The following POLD3 variants were observed in gnomAD, a reference collection of about 807,000 sequenced individuals.
POLD3 encodes DNA polymerase delta subunit 3.
POLD3 carries 19 observed loss-of-function variants against 58.2 expected under a neutral mutation model. The ratio of observed to expected loss-of-function variants is 0.33; its 90% CI spans 0.23 to 0.48. POLD3 has a LOEUF of 0.48. POLD3 is among the 20% of genes least tolerant of loss of function. The pLI is 0.99. For missense variants in POLD3, 504 were observed against 545.5 expected, an observed-to-expected ratio of 0.92 and a Z score of 0.76; for synonymous variants, 172 against 193.5, an observed-to-expected ratio of 0.89 and a Z score of 0.92.
At chr11:74,619,287 AACTC>A (rs761654540) in intron 6 of POLD3, among the ~76,000 whole-genome samples, 53 of 152,312 alleles carry the variant, frequency 3.5e-4, no homozygotes, top group Non-Finnish European at 7.1e-4. Context: ...CATCTGAACT[AACTC>A]AAGGGCATTG....
Position 74,641,648 on chromosome 11 carries a change from A to G in POLD3, c.*882A>G. 2 of 985,358 alleles carry G rather than the reference A, an allele frequency of 2.0e-6. No individual in the cohort carries two copies. Among genetic ancestry groups the G allele is most frequent in the Non-Finnish European group, 2.4e-6 (2 of 829,868 alleles). The allele number at this position is 985,358 out of a possible 1,614,324, so 61.0% of individuals were successfully genotyped here. On this transcript the variant is annotated 3_prime_UTR_variant, in exon 12 of 12. Coordinates refer to ENST00000263681, the MANE Select transcript of POLD3 (RefSeq NM_006591.3). Reference sequence around the variant, plus strand: ...CCCGTACAATGAGATAAAGACTAAAAAGAGAAATCCCTTCCTATATACAGT... The same window carrying G: ...CCCGTACAATGAGATAAAGACTAAAGAGAGAAATCCCTTCCTATATACAGT...
chr11:74,640,520 A>G (rs2032881660), intron 11 of POLD3, 44 bp from the exon 12 acceptor site: 1 of 1,461,716 alleles, frequency 6.8e-7, no homozygotes, highest in Admixed American at 2.5e-5. Context: ...CATAGAGTAA[A>G]TGATTCAGCC....
intron 9 of POLD3, among the ~76,000 whole-genome samples, 177 bp downstream of exon 9, chr11:74,629,500 T>G (rs940059097): frequency 7.9e-5 from 12 of 152,178 alleles, no homozygotes; most frequent in Admixed American, 7.2e-4. Context: ...AACCATGATC[T>G]TTTGGAAATT....
intron 2 of POLD3, among the ~76,000 whole-genome samples, chr11:74,601,781 CTT>C (rs2031508791): frequency 6.6e-6 from 1 of 151,948 alleles, no homozygotes; most frequent in Non-Finnish European, 1.5e-5. Flanking sequence ...GACTCTATCT[CTT>C]AAAAAAAAGA....
At chr11:74,598,249 A>AT (rs2031348574) in intron 2 of POLD3, among the ~76,000 whole-genome samples, 3 of 152,150 alleles carry the variant, frequency 2.0e-5, no homozygotes, top group Admixed American at 6.5e-5. Context: ...CTTGGAGTTG[A>AT]TTTTTTGTGT....
chr11:74,629,717 T>G (rs1565124791), intron 9 of POLD3, among the ~76,000 whole-genome samples: 1 of 152,072 alleles, frequency 6.6e-6, no homozygotes, highest in African/African-American at 2.4e-5. Flanking sequence ...TAGGGTTAAC[T>G]GGAACAACCT....
intron 3 of POLD3, among the ~76,000 whole-genome samples, 175 bp from the exon 4 acceptor site, chr11:74,611,324 C>T (rs1330347362): frequency 6.6e-6 from 1 of 151,794 alleles, no homozygotes; most frequent in Non-Finnish European, 1.5e-5. Context: ...TATTTTTTTT[C>T]CTGAAAGTAA....
At chr11:74,611,473 A>C (rs773289910) in intron 3 of POLD3, 26 bp from the exon 4 acceptor site, 5 of 1,400,554 alleles carry the variant, frequency 3.6e-6, no homozygotes, top group East Asian at 4.6e-5. Context: ...TACATTAAGC[A>C]CTAATAAAGT....
At position 74,642,842 on chromosome 11, in the gene POLD3, C is replaced by T; in HGVS notation, c.*2076C>T. ...TTTTCAGTTGATATTGTTAAAACTG[C>T]ATACCCACAGTCTGAGATGAACAAG... On this transcript the variant is annotated 3_prime_UTR_variant, in exon 12 of 12. Coordinates refer to ENST00000263681, the MANE Select transcript of POLD3 (RefSeq NM_006591.3). The T allele has an allele frequency of 1.0e-6, 1 of 985,012 alleles. No individual in the cohort carries two copies. Among genetic ancestry groups the T allele is most frequent in the African/African-American group, 1.7e-5 (1 of 57,338 alleles). 61.0% of individuals were successfully genotyped at this position (985,012 alleles called of 1,614,324 possible).
chr11:74,609,372 ATTTTTTTTTTT>A (rs869157886), intron 3 of POLD3, among the ~76,000 whole-genome samples: 280 of 27,118 alleles, frequency 0.01, 3 homozygotes, highest in Middle Eastern at 0.048. Context: ...ATATATATAT[ATTTTTTTTTTT>A]TTTTTTTTTT....
rs551693977 is a variant in POLD3 at position 74,643,018 on chromosome 11, G to C, written c.*2252G>C. ...TGTATGACTGTGGGCAAGTTTCACAGCCTCAAGTTCTTTATCAAAATAAAA... is the reference window on the plus strand; with the variant it reads ...TGTATGACTGTGGGCAAGTTTCACACCCTCAAGTTCTTTATCAAAATAAAA... On this transcript the variant is annotated 3_prime_UTR_variant, in exon 12 of 12. Transcript: ENST00000263681. 1.2e-5 allele frequency: 9 copies of C among 745,486 alleles called. No individual in the cohort carries two copies. In the African/African-American group the frequency reaches 1.7e-4, roughly 14 times the overall value. 46.2% of individuals were successfully genotyped at this position (745,486 alleles called of 1,614,324 possible).
chr11:74,640,922 T>G lies in POLD3; in HGVS notation c.*156T>G. ...GTGAGGTTTATACTATTTCTGGTTTTTAACCAAAAGGAAATCATCTGGAAG... is the reference window on the plus strand; with the variant it reads ...GTGAGGTTTATACTATTTCTGGTTTGTAACCAAAAGGAAATCATCTGGAAG... On this transcript the variant is annotated 3_prime_UTR_variant, in exon 12 of 12. Transcript: ENST00000263681. 1 of 1,267,074 alleles carries G rather than the reference T, an allele frequency of 7.9e-7. No individual in the cohort carries two copies. The highest frequency in any genetic ancestry group is 9.9e-7 in the Non-Finnish European group (1 of 1,007,534). 78.5% of individuals were successfully genotyped at this position (1,267,074 alleles called of 1,614,324 possible).
At chr11:74,666,279 A>T in intron 4 of POLD3, among the ~76,000 whole-genome samples, 1 of 152,210 alleles carries the variant, frequency 6.6e-6, no homozygotes, top group East Asian at 1.9e-4. Flanking sequence ...GCTTCCTGGG[A>T]TGCCTTTCCC....
Position 74,666,242 on chromosome 11 carries a change from G to C in POLD3, c.370-2535G>C, listed in dbSNP as rs1022091286. On this transcript the variant is annotated intron_variant, in intron 4 of 4. Coordinates refer to the POLD3 transcript ENST00000524752. Reference sequence around the variant, plus strand: ...AAATCTACAAAGCATTGTTTAAAGGGTGCAGTGGTTCACACCTCTAATCCC... The same window carrying C: ...AAATCTACAAAGCATTGTTTAAAGGCTGCAGTGGTTCACACCTCTAATCCC... 2.0e-5 allele frequency among the ~76,000 whole-genome samples: 3 copies of C among 152,300 alleles called. No individual in the cohort carries two copies. In the East Asian group the frequency reaches 5.8e-4, roughly 29 times the overall value.
intron 4 of POLD3, among the ~76,000 whole-genome samples, chr11:74,661,706 C>G (rs183844313): frequency 1.6e-4 from 24 of 152,316 alleles, no homozygotes; most frequent in African/African-American, 5.8e-4. Context: ...TATGTTCACT[C>G]AAGGCCCTAG....
Position 74,592,737 on chromosome 11 carries a change from G to A in POLD3, c.60+19G>A. 6.2e-7 allele frequency: 1 copy of A among 1,613,812 alleles called. No homozygotes were observed. Among genetic ancestry groups the A allele is most frequent in the Non-Finnish European group, 8.5e-7 (1 of 1,179,842 alleles). On this transcript the variant is annotated intron_variant, in intron 1 of 11. Transcript: ENST00000263681. ...CAAGATCGTGAGCAGCTACTACTGG[G>A]GAACGCGGGCGTGCGACCGGGGTCC...
At chr11:74,622,346 A>G (rs1004309183) in intron 7 of POLD3, among the ~76,000 whole-genome samples, 3 of 151,974 alleles carry the variant, frequency 2.0e-5, no homozygotes, top group African/African-American at 7.3e-5. Flanking sequence ...TGCATGTAAG[A>G]CCCCATTTCT....
chr11:74,653,333 A>ACACACACACACACATG (rs58331480), intron 4 of POLD3, among the ~76,000 whole-genome samples: 4 of 151,694 alleles, frequency 2.6e-5, no homozygotes, highest in Non-Finnish European at 4.4e-5. Flanking sequence ...ACACACACAC[A>ACACACACACACACATG]TAGTGTGGTC....
At position 74,642,184 on chromosome 11, in the gene POLD3, C is replaced by T; in HGVS notation, c.*1418C>T. ...GTGCTGACTTTGGGATTAACATGAG[C>T]TTCTTTAGCAACCAAGCATGAACTT... is the stretch of plus-strand genomic sequence containing the variant. On this transcript the variant is annotated 3_prime_UTR_variant, in exon 12 of 12. Coordinates refer to ENST00000263681, the MANE Select transcript of POLD3 (RefSeq NM_006591.3). The T allele has an allele frequency of 1.0e-6, 1 of 985,440 alleles. No homozygotes were observed. Among genetic ancestry groups the T allele is most frequent in the East Asian group, 1.1e-4 (1 of 8,824 alleles). 61.0% of individuals were successfully genotyped at this position (985,440 alleles called of 1,614,324 possible).
Sources: allele counts gnomAD v4.1 joint callset (sites outside exome capture counted in the v4.1 genomes callset), GRCh38; gene constraint gnomAD v4.1.1; transcripts MANE v1.5; gene names NCBI Gene and HGNC (gene_info 2026-07-23, HGNC 2026-07-21).